AUTS2: variants seen among roughly 807,000 people sequenced by gnomAD.
AUTS2 encodes autism susceptibility gene 2 protein.
Under a neutral mutation model 112.4 loss-of-function variants are expected in AUTS2, and 17 were observed. The ratio of observed to expected loss-of-function variants is 0.15; its 90% CI spans 0.10 to 0.23. AUTS2 has a LOEUF of 0.23. Among genes scored for constraint, AUTS2 ranks in the 10% least tolerant of loss-of-function variants. The pLI is 1.00. For missense variants in AUTS2, 1,510 were observed against 1,701.6 expected (o/e 0.89, Z 1.98); for synonymous variants, 751 against 702.7 (o/e 1.07, Z -1.09).
intron 2 of AUTS2, among the ~76,000 whole-genome samples, chr7:70,042,693 T>C (rs1403778105): frequency 1.3e-5 from 2 of 152,224 alleles, no homozygotes; most frequent in African/African-American, 2.4e-5. Flanking sequence ...CGGGAGAATC[T>C]GTTTTAGCCC....
At position 70,104,176 on chromosome 7, in the gene AUTS2, CTT is replaced by C. The variant is rs11294643; in HGVS notation, c.523-13943_523-13942del. Among the ~76,000 whole-genome samples, 517 of 142,004 alleles carry C rather than the reference CTT, an allele frequency of 3.6e-3. 5 individuals are homozygous for C. The highest frequency in any genetic ancestry group is 0.011 in the African/African-American group (428 of 38,808). 93.2% of individuals were successfully genotyped at this position (142,004 alleles called of 152,430 possible). A position where few individuals can be genotyped will look rare whatever the true frequency, so the allele number is the denominator to read the frequency against. ...ATTAGCAGTTATTCAATATATACAC[CTT>C]TTTTTTTTTTTTACCAGCAGCTCAA... On this transcript the variant is annotated intron_variant, in intron 2 of 18. Transcript: ENST00000342771.
At chr7:69,785,446 TG>T (rs1174844048) in intron 1 of AUTS2, among the ~76,000 whole-genome samples, 5 of 152,284 alleles carry the variant, frequency 3.3e-5, no homozygotes, top group Non-Finnish European at 7.3e-5. Context: ...TGGCTGTTTT[TG>T]TTGTTCTGTT....
chr7:70,150,085 C>T (rs780441726), intron 4 of AUTS2, among the ~76,000 whole-genome samples: 1 of 151,810 alleles, frequency 6.6e-6, no homozygotes, highest in Non-Finnish European at 1.5e-5. Context: ...CAAAGTTACA[C>T]GTAAATTAAG....
At chr7:69,943,496 AT>A (rs1265478630) in intron 2 of AUTS2, among the ~76,000 whole-genome samples, 1 of 152,202 alleles carries the variant, frequency 6.6e-6, no homozygotes, top group Non-Finnish European at 1.5e-5. Context: ...TGGTATTTGT[AT>A]TTCTAAATCA....
At chr7:69,733,673 GTGTTAAGGATGTGCCTCGCA>G (rs1443073581) in intron 1 of AUTS2, among the ~76,000 whole-genome samples, 2 of 152,122 alleles carry the variant, frequency 1.3e-5, no homozygotes, top group Non-Finnish European at 2.9e-5. Flanking sequence ...ACAGTATGTA[GTGTTAAGGATGTGCCTCGCA>G]TGTAAGCCAC....
intron 5 of AUTS2, among the ~76,000 whole-genome samples, chr7:70,597,109 A>G (rs1399509768): frequency 6.6e-6 from 1 of 152,226 alleles, no homozygotes; most frequent in African/African-American, 2.4e-5. Context: ...TTTAATGGGT[A>G]AGTAACCAAT....
At chr7:70,511,084 G>A (rs1440580382) in intron 5 of AUTS2, among the ~76,000 whole-genome samples, 1 of 152,008 alleles carries the variant, frequency 6.6e-6, no homozygotes, top group Non-Finnish European at 1.5e-5. Flanking sequence ...CCTGACCTTA[G>A]TTTATCTGCC....
intron 2 of AUTS2, among the ~76,000 whole-genome samples, chr7:69,917,194 T>C (rs1008396548): frequency 3.9e-5 from 6 of 152,082 alleles, no homozygotes; most frequent in Non-Finnish European, 8.8e-5. Flanking sequence ...TGTGGGTTTT[T>C]TTTTCTTTCT....
intron 4 of AUTS2, among the ~76,000 whole-genome samples, chr7:70,294,912 A>C (rs2129612479): frequency 6.6e-6 from 1 of 152,324 alleles, no homozygotes; most frequent in Middle Eastern, 3.4e-3. Flanking sequence ...CCAGGCTAAC[A>C]GGATTTATCT....
chr7:70,403,502 G>A (rs751627675), intron 4 of AUTS2, among the ~76,000 whole-genome samples: 3 of 152,152 alleles, frequency 2.0e-5, no homozygotes, highest in Non-Finnish European at 2.9e-5. Flanking sequence ...TCTGCCTGGC[G>A]TCTGCCTGCC....
intron 5 of AUTS2, among the ~76,000 whole-genome samples, chr7:70,603,216 CCTTTT>C (rs1161373313): frequency 8.4e-6 from 1 of 118,850 alleles, no homozygotes. Context: ...ACCCCATTTT[CCTTTT>C]CTTTTCTTTT....
chr7:70,109,534 T>A (rs1804957713), intron 2 of AUTS2, among the ~76,000 whole-genome samples: 1 of 152,184 alleles, frequency 6.6e-6, no homozygotes, highest in South Asian at 2.1e-4. Flanking sequence ...GGTCAAAAAT[T>A]TAAAAATTTT....
At chr7:70,127,586 CTT>C (rs896620173) in intron 3 of AUTS2, among the ~76,000 whole-genome samples, 10 of 152,070 alleles carry the variant, frequency 6.6e-5, no homozygotes, top group Non-Finnish European at 1.3e-4. Context: ...CTCTTTTCAC[CTT>C]TCTCTCTGAA....
At chr7:69,725,409 T>G (rs1786460996) in intron 1 of AUTS2, among the ~76,000 whole-genome samples, 1 of 152,066 alleles carries the variant, frequency 6.6e-6, no homozygotes, top group Non-Finnish European at 1.5e-5. Flanking sequence ...GAGATACACA[T>G]TAGGTACACA....
At chr7:70,015,765 A>G (rs1327326319) in intron 2 of AUTS2, among the ~76,000 whole-genome samples, 1 of 150,752 alleles carries the variant, frequency 6.6e-6, no homozygotes, top group Non-Finnish European at 1.5e-5. Context: ...AAATGTCTCT[A>G]TTCTGTTTCT....
At chr7:69,727,614 A>C (rs1786581167) in intron 1 of AUTS2, among the ~76,000 whole-genome samples, 1 of 151,984 alleles carries the variant, frequency 6.6e-6, no homozygotes, top group African/African-American at 2.4e-5. Context: ...AAAAAATAAA[A>C]AATCAGTTGC....
chr7:69,966,466 A>T (rs1047296460), intron 2 of AUTS2, among the ~76,000 whole-genome samples: 6 of 152,200 alleles, frequency 3.9e-5, no homozygotes, highest in African/African-American at 1.4e-4. Flanking sequence ...GAAGCTGATA[A>T]CATCATACAT....
chr7:70,527,256 G>T (rs1799879017), intron 5 of AUTS2, among the ~76,000 whole-genome samples: 1 of 152,182 alleles, frequency 6.6e-6, no homozygotes, highest in Admixed American at 6.5e-5. Context: ...CGTGTTTGAA[G>T]TTTCTGCTCA....
chr7:69,760,725 G>T (rs1451268004), intron 1 of AUTS2, among the ~76,000 whole-genome samples: 2 of 152,266 alleles, frequency 1.3e-5, no homozygotes, highest in African/African-American at 4.8e-5. Context: ...GGAGGCTGAG[G>T]CAGGAGAATG....
Sources: gnomAD v4.1 joint callset for allele counts (sites outside exome capture counted in the v4.1 genomes callset) on GRCh38, gnomAD v4.1.1 for gene constraint, MANE v1.5 for transcripts, NCBI Gene and HGNC (gene_info 2026-07-23, HGNC 2026-07-21) for gene names.